MACROD1: variants seen among roughly 807,000 people sequenced by gnomAD.
MACROD1 encodes the protein ADP-ribose glycohydrolase MACROD1.
In MACROD1, 31 loss-of-function variants were observed where a neutral mutation model predicts 41.4. The ratio of observed to expected loss-of-function variants is 0.75; its 90% CI spans 0.56 to 1.01. The LOEUF (loss-of-function observed/expected upper bound fraction) is 1.01, where lower values mean the gene tolerates loss of function less well. Among genes scored for constraint, MACROD1 ranks in the 50% least tolerant of loss-of-function variants. MACROD1 has a pLI of 0.00. For missense variants in MACROD1, 473 were observed against 460.0 expected, an observed-to-expected ratio of 1.03 and a Z score of -0.26; for synonymous variants, 252 against 203.4, an observed-to-expected ratio of 1.24 and a Z score of -2.03.
At chr11:64,037,409 G>T (rs1285152589) in intron 3 of MACROD1, among the ~76,000 whole-genome samples, 1 of 152,164 alleles carries the variant, frequency 6.6e-6, no homozygotes, top group Non-Finnish European at 1.5e-5. Context: ...CATCTCTTCC[G>T]CCAGCCCCGG....
intron 3 of MACROD1, among the ~76,000 whole-genome samples, chr11:64,049,338 C>T (rs983607951): frequency 1.3e-5 from 2 of 152,204 alleles, no homozygotes; most frequent in South Asian, 4.1e-4. Context: ...CTACCGATGC[C>T]CAAAGGCTGT....
chr11:64,045,803 AC>A (rs1485980504), intron 3 of MACROD1, among the ~76,000 whole-genome samples: 4 of 152,184 alleles, frequency 2.6e-5, no homozygotes, highest in Non-Finnish European at 5.9e-5. Context: ...AATAGTAATA[AC>A]AGGTGGGCAT....
intron 3 of MACROD1, among the ~76,000 whole-genome samples, chr11:64,023,221 A>C (rs1165379387): frequency 2.6e-5 from 4 of 152,028 alleles, no homozygotes; most frequent in African/African-American, 9.7e-5. Context: ...ACAGATGGGG[A>C]AACTGAGGCC....
At chr11:64,125,583 CAG>C (rs1945165864) in intron 3 of MACROD1, among the ~76,000 whole-genome samples, 1 of 152,208 alleles carries the variant, frequency 6.6e-6, no homozygotes, top group Admixed American at 6.5e-5. Flanking sequence ...GCAGCTGGCA[CAG>C]AGAGGGGCTC....
At chr11:64,003,325 C>T (rs914828589) in intron 4 of MACROD1, among the ~76,000 whole-genome samples, 3 of 152,186 alleles carry the variant, frequency 2.0e-5, no homozygotes, top group African/African-American at 4.8e-5. Context: ...TCAAGTGATT[C>T]TTATGCCTCA....
intron 3 of MACROD1, among the ~76,000 whole-genome samples, chr11:64,097,507 G>C (rs1191757501): frequency 6.6e-6 from 1 of 152,260 alleles, no homozygotes; most frequent in African/African-American, 2.4e-5. Flanking sequence ...TTGAGGGTGG[G>C]CGCTGGCAAA....
At chr11:64,013,507 AG>A in intron 4 of MACROD1, among the ~76,000 whole-genome samples, 1 of 152,312 alleles carries the variant, frequency 6.6e-6, no homozygotes, top group South Asian at 2.1e-4. Flanking sequence ...AGCAAAGTGG[AG>A]AGGGTGGCAG....
At chr11:64,004,368 G>A (rs2134323571) in intron 4 of MACROD1, among the ~76,000 whole-genome samples, 1 of 152,338 alleles carries the variant, frequency 6.6e-6, no homozygotes, top group South Asian at 2.1e-4. Flanking sequence ...TGAGTTGGCC[G>A]CTATTTAGGG....
chr11:64,060,167 G>A (rs1377348865), intron 3 of MACROD1, among the ~76,000 whole-genome samples: 2 of 152,256 alleles, frequency 1.3e-5, no homozygotes, highest in South Asian at 2.1e-4. Context: ...TTTAAGGCGC[G>A]GACGGCGGTG....
At chr11:64,030,059 C>T (rs537240625) in intron 3 of MACROD1, among the ~76,000 whole-genome samples, 19 of 152,194 alleles carry the variant, frequency 1.2e-4, no homozygotes, top group African/African-American at 4.1e-4. Flanking sequence ...AACCACCCCC[C>T]GGGTGACACA....
At chr11:64,116,756 G>T (rs1395396380) in intron 3 of MACROD1, 1 of 1,613,498 alleles carries the variant, frequency 6.2e-7, no homozygotes, top group Non-Finnish European at 8.5e-7. Context: ...ACAACTCCGT[G>T]TCCACCGTCA....
chr11:64,095,050 C>A (rs766341517), intron 3 of MACROD1, among the ~76,000 whole-genome samples: 18 of 152,122 alleles, frequency 1.2e-4, no homozygotes, highest in Non-Finnish European at 2.2e-4. Flanking sequence ...CTGCTTCTCT[C>A]CTTAAGGCAG....
At position 64,151,240 on chromosome 11, in the gene MACROD1, G is replaced by A. The variant is rs374513283; in HGVS notation, c.516C>T (p.Ala172=). The change falls in exon 3 of 11, where the codon GCC becomes GCT. Residue 172 remains alanine (A), a splice_region_variant and synonymous_variant. Transcript: ENST00000255681. Reference sequence around the variant, plus strand: ...CTCTGGTTCAGGCCAGCCACTCACCGGCGTTGACGATGGCGTCCACCTCCA... The same window carrying A: ...CTCTGGTTCAGGCCAGCCACTCACCAGCGTTGACGATGGCGTCCACCTCCA... The part of the protein sequence containing the change: ...TKLEVDAIVN[A]ANSSLLGGGG... 2.2e-5 allele frequency: 35 copies of A among 1,612,278 alleles called. No individual in the cohort carries two copies. Among genetic ancestry groups the A allele is most frequent in the Middle Eastern group, 1.6e-4 (1 of 6,082 alleles).
chr11:64,057,412 G>C (rs557175850), intron 3 of MACROD1, among the ~76,000 whole-genome samples: 1 of 152,300 alleles, frequency 6.6e-6, no homozygotes, highest in African/African-American at 2.4e-5. Flanking sequence ...TGACCCACAT[G>C]GTGCCAGCTC....
chr11:64,054,673 T>G (rs1476873532), intron 3 of MACROD1, among the ~76,000 whole-genome samples: 1 of 151,996 alleles, frequency 6.6e-6, no homozygotes. Flanking sequence ...CAACCTCACC[T>G]CCTGCTTTTT....
intron 3 of MACROD1, among the ~76,000 whole-genome samples, chr11:64,051,581 T>C (rs1214974015): frequency 6.6e-6 from 1 of 152,238 alleles, no homozygotes; most frequent in Non-Finnish European, 1.5e-5. Flanking sequence ...TGTCCGGGTC[T>C]GACAGACGGC....
intron 3 of MACROD1, among the ~76,000 whole-genome samples, chr11:64,056,049 G>A (rs1565212106): frequency 6.6e-6 from 1 of 152,226 alleles, no homozygotes; most frequent in Non-Finnish European, 1.5e-5. Flanking sequence ...CTCCCTGTGG[G>A]CCAGGGTTGG....
chr11:64,089,701 T>C (rs1239791827), intron 3 of MACROD1, among the ~76,000 whole-genome samples: 1 of 152,044 alleles, frequency 6.6e-6, no homozygotes, highest in African/African-American at 2.4e-5. Flanking sequence ...CTGGACAAAG[T>C]GGGGCTCTTG....
Position 64,124,381 on chromosome 11 carries a change from GC to G in MACROD1, c.517+26857del, listed in dbSNP as rs1340105094. Among the ~76,000 whole-genome samples, 4 of 152,192 alleles carry G rather than the reference GC, an allele frequency of 2.6e-5. No individual in the cohort carries two copies. In the East Asian group the frequency reaches 7.7e-4, roughly 29 times the overall value. On this transcript the variant is annotated intron_variant, in intron 3 of 10. Coordinates refer to ENST00000255681, the MANE Select transcript of MACROD1 (RefSeq NM_014067.4). ...TGTATCTATCCATCCATCCATCACC[GC>G]CGGTGGATGGCGCCTGGGGCACTTT...
Sources: allele counts gnomAD v4.1 joint callset (sites outside exome capture counted in the v4.1 genomes callset), GRCh38; gene constraint gnomAD v4.1.1; transcripts MANE v1.5; gene names NCBI Gene and HGNC (gene_info 2026-07-23, HGNC 2026-07-21).